The following PCCA variants were observed in gnomAD, a reference collection of about 807,000 sequenced individuals.
The protein encoded by PCCA is propionyl-CoA carboxylase alpha chain, mitochondrial.
PCCA carries 74 observed loss-of-function variants against 101.3 expected under a neutral mutation model. That is an observed-to-expected ratio of 0.73 (90% CI 0.61 to 0.89). The LOEUF (loss-of-function observed/expected upper bound fraction) is 0.89, where lower values mean the gene tolerates loss of function less well. Ranked by LOEUF, PCCA falls within the 40% of genes least tolerant of loss-of-function variation. The pLI, the probability that PCCA is intolerant of heterozygous loss-of-function variation, is 0.00. For synonymous variants in PCCA, 294 were observed against 313.6 expected (o/e 0.94, Z 0.66); for missense variants, 891 against 907.0 (o/e 0.98, Z 0.23).
At chr13:100,320,673 G>A (rs557152255) in intron 16 of PCCA, among the ~76,000 whole-genome samples, 100 of 152,252 alleles carry the variant, frequency 6.6e-4, no homozygotes, top group Non-Finnish European at 1.3e-3. Context: ...CAGGGATGAA[G>A]CCCACTTGAT....
At chr13:100,286,026 C>G (rs1214212161) in intron 12 of PCCA, among the ~76,000 whole-genome samples, 1 of 152,152 alleles carries the variant, frequency 6.6e-6, no homozygotes, top group African/African-American at 2.4e-5. Context: ...CTTCTACAAG[C>G]TCTAATTTTA....
chr13:100,443,525 G>A (rs373302815), intron 20 of PCCA, among the ~76,000 whole-genome samples: 192 of 152,086 alleles, frequency 1.3e-3, no homozygotes, highest in African/African-American at 4.0e-3. Flanking sequence ...TTGATGATAA[G>A]CAGTTAACTA....
intron 4 of PCCA, among the ~76,000 whole-genome samples, chr13:100,141,381 CAT>C (rs1253528037): frequency 1.3e-5 from 2 of 152,016 alleles, no homozygotes; most frequent in Non-Finnish European, 2.9e-5. Flanking sequence ...ACCATTTGTA[CAT>C]GTTATTTTTT....
intron 8 of PCCA, among the ~76,000 whole-genome samples, chr13:100,239,722 G>A (rs1277156214): frequency 6.6e-6 from 1 of 152,094 alleles, no homozygotes; most frequent in Admixed American, 6.6e-5. Flanking sequence ...TTCTTGAAAG[G>A]AAAATAAATT....
intron 7 of PCCA, among the ~76,000 whole-genome samples, chr13:100,231,696 C>A (rs2060480270): frequency 6.6e-6 from 1 of 151,952 alleles, no homozygotes; most frequent in Non-Finnish European, 1.5e-5. Context: ...TTTTAATTTC[C>A]CTTTTCCTAC....
chr13:100,147,646 G>GAT (rs2052744350), intron 4 of PCCA, among the ~76,000 whole-genome samples: 1 of 152,184 alleles, frequency 6.6e-6, no homozygotes, highest in Non-Finnish European at 1.5e-5. Context: ...ATGCATGTGT[G>GAT]ATAGCTTTCT....
chr13:100,327,079 T>C (rs193062794), intron 16 of PCCA, among the ~76,000 whole-genome samples: 1 of 152,308 alleles, frequency 6.6e-6, no homozygotes, highest in East Asian at 1.9e-4. Flanking sequence ...TGAGGTATAC[T>C]TGACATAATA....
intron 21 of PCCA, among the ~76,000 whole-genome samples, chr13:100,482,840 G>T (rs2084059155): frequency 6.6e-6 from 1 of 152,174 alleles, no homozygotes; most frequent in South Asian, 2.1e-4. Flanking sequence ...GGCTAACATG[G>T]ATATAACAAA....
intron 20 of PCCA, among the ~76,000 whole-genome samples, chr13:100,435,212 G>A (rs1019278466): frequency 1.3e-5 from 2 of 152,174 alleles, no homozygotes; most frequent in African/African-American, 4.8e-5. Flanking sequence ...GAGGCCTCAG[G>A]GAGCTTTCAG....
chr13:100,216,536 A>G (rs2059530966), intron 7 of PCCA, among the ~76,000 whole-genome samples: 2 of 152,206 alleles, frequency 1.3e-5, no homozygotes, highest in African/African-American at 4.8e-5. Flanking sequence ...GTCAGTGCTT[A>G]AGTCAATGCT....
intron 20 of PCCA, among the ~76,000 whole-genome samples, chr13:100,442,240 T>A (rs2080430245): frequency 6.6e-6 from 1 of 152,112 alleles, no homozygotes; most frequent in Admixed American, 6.5e-5. Context: ...GTGATCCGCC[T>A]TCCTTGACCT....
intron 17 of PCCA, among the ~76,000 whole-genome samples, chr13:100,334,298 T>C (rs2070092494): frequency 6.6e-6 from 1 of 152,162 alleles, no homozygotes; most frequent in Non-Finnish European, 1.5e-5. Context: ...TAATCAGCCA[T>C]GAAGAAAGTA....
At chr13:100,507,472 C>T (rs1442787556) in intron 21 of PCCA, among the ~76,000 whole-genome samples, 1 of 152,104 alleles carries the variant, frequency 6.6e-6, no homozygotes, top group Non-Finnish European at 1.5e-5. Flanking sequence ...GAGACCACCT[C>T]GGAATTCTTA....
intron 19 of PCCA, among the ~76,000 whole-genome samples, chr13:100,391,210 G>A (rs1012270281): frequency 6.6e-6 from 1 of 152,152 alleles, no homozygotes; most frequent in Non-Finnish European, 1.5e-5. Context: ...TAGAGACGGA[G>A]TTTCACCATG....
At chr13:100,124,069 T>G (rs945762295) in intron 4 of PCCA, among the ~76,000 whole-genome samples, 1 of 152,224 alleles carries the variant, frequency 6.6e-6, no homozygotes, top group African/African-American at 2.4e-5. Flanking sequence ...AATGAATGTT[T>G]TAAGTATAAA....
At chr13:100,325,536 AG>A (rs781155976) in intron 16 of PCCA, among the ~76,000 whole-genome samples, 1 of 152,098 alleles carries the variant, frequency 6.6e-6, no homozygotes, top group Non-Finnish European at 1.5e-5. Flanking sequence ...CCTTATTCTG[AG>A]GGGGAAAAAA....
intron 4 of PCCA, among the ~76,000 whole-genome samples, chr13:100,118,193 G>A (rs2049014919): frequency 1.3e-5 from 2 of 150,640 alleles, no homozygotes; most frequent in Non-Finnish European, 2.9e-5. Flanking sequence ...TATTCATCTC[G>A]CAGTAATAAG....
At chr13:100,201,903 T>C (rs918548384) in intron 6 of PCCA, among the ~76,000 whole-genome samples, 1 of 116,860 alleles carries the variant, frequency 8.6e-6, no homozygotes, top group Non-Finnish European at 1.8e-5. Context: ...AAGCAGGGAG[T>C]GAATGGGCCA....
chr13:100,429,753 C>T (rs1252231811), intron 20 of PCCA, among the ~76,000 whole-genome samples: 3 of 151,740 alleles, frequency 2.0e-5, no homozygotes, highest in Admixed American at 6.6e-5. Context: ...ATTACAGACA[C>T]GCACTACCAT....
Sources: allele counts gnomAD v4.1 joint callset (sites outside exome capture counted in the v4.1 genomes callset), GRCh38; gene constraint gnomAD v4.1.1; transcripts MANE v1.5; gene names NCBI Gene and HGNC (gene_info 2026-07-23, HGNC 2026-07-21).